GMDS: variants seen among roughly 807,000 people sequenced by gnomAD.
The protein encoded by GMDS is GDP-mannose 4,6 dehydratase.
GMDS carries 20 observed loss-of-function variants against 49.9 expected under a neutral mutation model. The observed-to-expected ratio is 0.40, with a 90% confidence interval of 0.28 to 0.58. The LOEUF is 0.58. GMDS is among the 20% of genes least tolerant of loss of function. The pLI is 0.42. For missense variants in GMDS, 362 were observed against 481.4 expected (o/e 0.75, Z 2.32); for synonymous variants, 177 against 178.6 (o/e 0.99, Z 0.07).
intron 7 of GMDS, among the ~76,000 whole-genome samples, chr6:1,763,559 G>T: frequency 6.6e-6 from 1 of 152,132 alleles, no homozygotes; most frequent in East Asian, 1.9e-4. Context: ...CATGATGGAT[G>T]GTATGACAAT....
At chr6:1,739,983 T>A (rs959329967) in intron 8 of GMDS, among the ~76,000 whole-genome samples, 49 of 152,334 alleles carry the variant, frequency 3.2e-4, no homozygotes, top group African/African-American at 1.2e-3. Context: ...AAAAAATAAT[T>A]CATGCGTATC....
intron 9 of GMDS, among the ~76,000 whole-genome samples, chr6:1,688,057 T>A (rs1440510353): frequency 1.3e-5 from 2 of 152,136 alleles, no homozygotes; most frequent in Non-Finnish European, 2.9e-5. Flanking sequence ...GGCTCTTAAA[T>A]CCACAGCAGA....
chr6:2,121,909 T>G (rs1256239616), intron 2 of GMDS, among the ~76,000 whole-genome samples: 2 of 152,142 alleles, frequency 1.3e-5, no homozygotes, highest in Admixed American at 6.5e-5. Context: ...CTTCCCAGTT[T>G]CAAAATGCAC....
chr6:1,934,091 A>G (rs555994453), intron 6 of GMDS, among the ~76,000 whole-genome samples: 14 of 152,322 alleles, frequency 9.2e-5, no homozygotes, highest in Admixed American at 8.5e-4. Flanking sequence ...ATTCATTTGC[A>G]TGTTGACATC....
chr6:2,081,119 G>A (rs1242837372), intron 4 of GMDS, among the ~76,000 whole-genome samples: 5 of 152,028 alleles, frequency 3.3e-5, no homozygotes, highest in African/African-American at 1.2e-4. Flanking sequence ...AACGTAAAAT[G>A]TCAGATTCTT....
At chr6:1,657,824 TA>T (rs1313282371) in intron 9 of GMDS, among the ~76,000 whole-genome samples, 1 of 70,940 alleles carries the variant, frequency 1.4e-5, no homozygotes, top group Non-Finnish European at 2.6e-5. Context: ...TCTTTACTCC[TA>T]AAAGATCCTT....
At chr6:1,764,946 CTT>C (rs946925358) in intron 7 of GMDS, among the ~76,000 whole-genome samples, 9 of 152,060 alleles carry the variant, frequency 5.9e-5, no homozygotes, top group African/African-American at 1.9e-4. Context: ...GAGGAGCTGT[CTT>C]TTTTTCTGAG....
At chr6:2,123,442 A>G (rs1361014151) in intron 2 of GMDS, among the ~76,000 whole-genome samples, 2 of 151,640 alleles carry the variant, frequency 1.3e-5, no homozygotes, top group Non-Finnish European at 2.9e-5. Context: ...CACTCGATAC[A>G]CAACAACATC....
rs929055885 is a variant in GMDS, at chr6:2,191,452, C to T, written c.102+53869G>A. Reference sequence around the variant, plus strand: ...GGAGCAGGCACCAGCCCTGCCCTCCCAGACACATCTGCAGCCGCCCAGGTG... The same window carrying T: ...GGAGCAGGCACCAGCCCTGCCCTCCTAGACACATCTGCAGCCGCCCAGGTG... On this transcript the variant is annotated intron_variant, in intron 1 of 10. Transcript: ENST00000380815. The surrounding 1 kb of genome is among the most constrained non-coding windows in gnomAD (Gnocchi z 4.6). Among the ~76,000 whole-genome samples, 3 of 152,204 alleles carry T rather than the reference C, an allele frequency of 2.0e-5. No individual in the cohort carries two copies. The highest frequency in any genetic ancestry group is 4.8e-5 in the African/African-American group (2 of 41,450).
At chr6:1,815,345 A>T (rs1770612013) in intron 7 of GMDS, among the ~76,000 whole-genome samples, 3 of 152,250 alleles carry the variant, frequency 2.0e-5, no homozygotes, top group Admixed American at 6.5e-5. Context: ...ACAAAGTATT[A>T]TATAACTTCT....
chr6:2,131,277 A>C (rs1401840376), intron 1 of GMDS, among the ~76,000 whole-genome samples: 1 of 152,218 alleles, frequency 6.6e-6, no homozygotes, highest in Non-Finnish European at 1.5e-5. Context: ...ACTCTATAAG[A>C]AAAATGAGAC....
intron 1 of GMDS, among the ~76,000 whole-genome samples, chr6:2,228,369 A>G (rs1373872372): frequency 6.6e-6 from 1 of 152,096 alleles, no homozygotes; most frequent in East Asian, 1.9e-4. Context: ...TTTCTTCAAT[A>G]TACACTCCAA....
chr6:1,888,843 A>G (rs1759740649), intron 7 of GMDS, among the ~76,000 whole-genome samples: 1 of 152,202 alleles, frequency 6.6e-6, no homozygotes, highest in Admixed American at 6.5e-5. Flanking sequence ...AAATTGGCCA[A>G]AACAAAGGGG....
intron 9 of GMDS, among the ~76,000 whole-genome samples, chr6:1,649,931 G>C (rs929663610): frequency 6.6e-6 from 1 of 152,168 alleles, no homozygotes; most frequent in Non-Finnish European, 1.5e-5. Context: ...GAGAGGCCTT[G>C]AAAGAGCAGA....
rs1026672398 is a variant in GMDS at position 2,187,694 on chromosome 6, T to C, written c.102+57627A>G. 5.9e-5 allele frequency among the ~76,000 whole-genome samples: 9 copies of C among 152,350 alleles called. No homozygotes were observed. The South Asian group carries it at 1.4e-3, about 25-fold the overall frequency. On this transcript the variant is annotated intron_variant, in intron 1 of 10. Transcript: ENST00000380815. ...ATCAAACGAGTAGAACAGTAAAGAC[T>C]TAAACCCTAGGCTGTGACTTTTGTC...
chr6:1,823,463 TTACAC>T (rs1770977783), intron 7 of GMDS, among the ~76,000 whole-genome samples: 1 of 152,180 alleles, frequency 6.6e-6, no homozygotes, highest in South Asian at 2.1e-4. Context: ...TTGTATGTTC[TTACAC>T]AGCTGAGCAC....
At chr6:1,641,517 C>T (rs1164066578) in intron 9 of GMDS, among the ~76,000 whole-genome samples, 2 of 152,220 alleles carry the variant, frequency 1.3e-5, no homozygotes, top group Non-Finnish European at 1.5e-5. Context: ...TGTGGCAGAA[C>T]CTGAAGGGCC....
At chr6:2,201,140 C>T (rs1424707763) in intron 1 of GMDS, among the ~76,000 whole-genome samples, 5 of 123,746 alleles carry the variant, frequency 4.0e-5, no homozygotes, top group South Asian at 2.9e-4. Flanking sequence ...CATGAGCATC[C>T]GAGATGAAAC....
chr6:1,949,406 C>T (rs1483294746), intron 6 of GMDS, among the ~76,000 whole-genome samples: 1 of 152,194 alleles, frequency 6.6e-6, no homozygotes, highest in East Asian at 1.9e-4. Context: ...TACATGTCAT[C>T]AGACAGTTAT....
Sources: allele counts gnomAD v4.1 joint callset (sites outside exome capture counted in the v4.1 genomes callset), GRCh38; gene constraint gnomAD v4.1.1; non-coding constraint Gnocchi (gnomAD v3.1); transcripts MANE v1.5; gene names NCBI Gene and HGNC (gene_info 2026-07-23, HGNC 2026-07-21).